Variants in KIAA1328 observed in about 807,000 individuals in gnomAD.
The protein encoded by KIAA1328 is protein hinderin.
KIAA1328 carries 52 observed loss-of-function variants against 68.1 expected under a neutral mutation model. The observed-to-expected ratio is 0.76, with a 90% CI of 0.61 to 0.96. KIAA1328 has a LOEUF of 0.96. Among genes scored for constraint, KIAA1328 ranks in the 40% least tolerant of loss-of-function variants. The pLI is 0.00. For synonymous variants in KIAA1328, 232 were observed against 239.4 expected, an observed-to-expected ratio of 0.97 and a Z score of 0.28; for missense variants, 641 against 677.6, an observed-to-expected ratio of 0.95 and a Z score of 0.60.
At chr18:36,949,600 C>A (rs1038972789) in intron 5 of KIAA1328, among the ~76,000 whole-genome samples, 2 of 108,616 alleles carry the variant, frequency 1.8e-5, no homozygotes, top group South Asian at 4.6e-4. Flanking sequence ...ACCCAGCTCC[C>A]CCCCCCCCAC....
At chr18:37,025,495 T>C (rs2054533500) in intron 6 of KIAA1328, among the ~76,000 whole-genome samples, 1 of 152,114 alleles carries the variant, frequency 6.6e-6, no homozygotes, top group Non-Finnish European at 1.5e-5. Flanking sequence ...TCAGCAAATG[T>C]AAAAGAACAG....
intron 3 of KIAA1328, among the ~76,000 whole-genome samples, chr18:36,841,476 A>G (rs888875952): frequency 5.3e-5 from 8 of 151,816 alleles, no homozygotes; most frequent in Admixed American, 4.6e-4. Flanking sequence ...CAATGATACC[A>G]TTGTTGTAAG....
intron 6 of KIAA1328, among the ~76,000 whole-genome samples, chr18:36,966,432 G>A (rs1313734322): frequency 6.6e-6 from 1 of 152,186 alleles, no homozygotes; most frequent in Non-Finnish European, 1.5e-5. Context: ...AAGATCGTGT[G>A]TGTGTGTACA....
chr18:36,892,158 A>G (rs994526976), intron 5 of KIAA1328, among the ~76,000 whole-genome samples: 1 of 151,846 alleles, frequency 6.6e-6, no homozygotes, highest in Non-Finnish European at 1.5e-5. Flanking sequence ...TAGGAACCAT[A>G]CTGCAGGAAG....
At chr18:37,084,002 G>T (rs982961317) in intron 7 of KIAA1328, 9 of 431,782 alleles carry the variant, frequency 2.1e-5, no homozygotes, top group African/African-American at 1.4e-4. Flanking sequence ...ATTTATTTTT[G>T]ACTAAGTTTT....
chr18:37,063,632 A>G, intron 6 of KIAA1328: 7 of 985,362 alleles, frequency 7.1e-6, no homozygotes, highest in Non-Finnish European at 8.4e-6. Flanking sequence ...GTAACCAAGC[A>G]GGTAATTGAC....
At chr18:37,221,615 A>G (rs969731569) in intron 9 of KIAA1328, among the ~76,000 whole-genome samples, 1 of 152,212 alleles carries the variant, frequency 6.6e-6, no homozygotes, top group African/African-American at 2.4e-5. Context: ...TGGAGATGAG[A>G]GTAGTATAGT....
intron 6 of KIAA1328, among the ~76,000 whole-genome samples, chr18:37,020,232 C>T (rs546926954): frequency 2.8e-4 from 42 of 152,288 alleles, no homozygotes; most frequent in African/African-American, 1.0e-3. Flanking sequence ...GAGCGATCCT[C>T]CTGCCTTAGC....
Position 36,870,361 on chromosome 18 carries a change from G to A in KIAA1328, c.333-15196G>A, listed in dbSNP as rs9961040. 2.8e-3 allele frequency among the ~76,000 whole-genome samples: 429 copies of A among 152,064 alleles called. 3 individuals carry two copies. Among genetic ancestry groups the A allele is most frequent in the African/African-American group, 9.9e-3 (409 of 41,482 alleles). On this transcript the variant is annotated intron_variant, in intron 4 of 9. Coordinates refer to ENST00000280020, the MANE Select transcript of KIAA1328 (RefSeq NM_020776.3). ...GGTATACCCTTGAGTGATATTTTAC[G>A]TTAGCTCTTGAAGAGGCCAAAACAT...
chr18:37,051,699 C>T (rs1422531244), intron 6 of KIAA1328, among the ~76,000 whole-genome samples: 2 of 152,086 alleles, frequency 1.3e-5, no homozygotes, highest in African/African-American at 4.8e-5. Flanking sequence ...ACTCATTCTA[C>T]AAAACCATTA....
chr18:37,039,885 C>T (rs965328070), intron 6 of KIAA1328, among the ~76,000 whole-genome samples: 20 of 152,260 alleles, frequency 1.3e-4, no homozygotes, highest in African/African-American at 3.1e-4. Context: ...CTTATTTGGA[C>T]ACTCTTGGGA....
At chr18:36,923,683 A>G (rs995683827) in intron 5 of KIAA1328, 15 of 152,212 alleles carry the variant, frequency 9.9e-5, no homozygotes, top group African/African-American at 3.4e-4. Context: ...AATACCAAGC[A>G]TAGAGCTACA....
Position 37,223,772 on chromosome 18 carries a change from T to A in KIAA1328, c.*1545T>A. 5.1e-6 allele frequency: 5 copies of A among 985,416 alleles called. No individual in the cohort carries two copies. The highest frequency in any genetic ancestry group is 4.8e-6 in the Non-Finnish European group (4 of 829,926). The allele number at this position is 985,416 out of a possible 1,614,324, so 61.0% of individuals were successfully genotyped here. On this transcript the variant is annotated 3_prime_UTR_variant, in exon 10 of 10. Transcript: ENST00000280020. ...TATCCAGATAGATCCAAAGCTCATGTCTCTTCAGGCTGAGACTGGCGCTGT... is the reference window on the plus strand; with the variant it reads ...TATCCAGATAGATCCAAAGCTCATGACTCTTCAGGCTGAGACTGGCGCTGT...
At chr18:36,834,266 G>A (rs1349762477) in intron 1 of KIAA1328, 54 bp from the exon 2 acceptor site, 7 of 1,466,200 alleles carry the variant, frequency 4.8e-6, no homozygotes, top group Non-Finnish European at 9.1e-7. Context: ...AACAGAAGCA[G>A]CATTTGGATG....
At chr18:37,132,844 T>G (rs1370993029) in intron 7 of KIAA1328, among the ~76,000 whole-genome samples, 3 of 152,154 alleles carry the variant, frequency 2.0e-5, no homozygotes, top group African/African-American at 7.2e-5. Context: ...ACCATACAAA[T>G]GTTCTTCAGT....
chr18:37,225,152 G>T lies in KIAA1328; in HGVS notation c.*2925G>T, dbSNP rs929235438. On this transcript the variant is annotated 3_prime_UTR_variant, in exon 10 of 10. Transcript: ENST00000280020. Reference sequence around the variant, plus strand: ...TAGAGATCTTCTGGCCAGAGAATCAGGGGAGAGGAGAGGCCTGATGGGGCA... The same window carrying T: ...TAGAGATCTTCTGGCCAGAGAATCATGGGAGAGGAGAGGCCTGATGGGGCA... 2.1e-4 allele frequency: 143 copies of T among 692,772 alleles called. No homozygotes were observed. Among genetic ancestry groups the T allele is most frequent in the Non-Finnish European group, 2.5e-4 (142 of 566,804 alleles). 42.9% of individuals were successfully genotyped at this position (692,772 alleles called of 1,614,324 possible).
chr18:37,170,264 A>G (rs780779030), intron 8 of KIAA1328, among the ~76,000 whole-genome samples: 9 of 152,308 alleles, frequency 5.9e-5, no homozygotes, highest in South Asian at 2.1e-4. Context: ...CAAGTTTGCC[A>G]TACAGAGCCA....
intron 5 of KIAA1328, among the ~76,000 whole-genome samples, chr18:36,948,173 G>A (rs2050978734): frequency 6.6e-6 from 1 of 151,908 alleles, no homozygotes; most frequent in African/African-American, 2.4e-5. Context: ...GATAGCTCAT[G>A]AAATGTTTTC....
At position 37,109,046 on chromosome 18, in the gene KIAA1328, G is replaced by A. The variant is rs1027969500; in HGVS notation, c.1232+41501G>A. Among the ~76,000 whole-genome samples, 3 of 149,702 alleles carry A rather than the reference G, an allele frequency of 2.0e-5. No individual in the cohort carries two copies. In the Admixed American group the frequency reaches 2.1e-4, roughly 10 times the overall value. On this transcript the variant is annotated intron_variant, in intron 7 of 9. Transcript: ENST00000280020. ...ATGCAGTGTTTGGTTTTCTGTCCTT[G>A]TGATAGTTTGCTTAGAATGATGGTT...
Sources: allele counts gnomAD v4.1 joint callset (sites outside exome capture counted in the v4.1 genomes callset), GRCh38; gene constraint gnomAD v4.1.1; transcripts MANE v1.5; gene names NCBI Gene and HGNC (gene_info 2026-07-23, HGNC 2026-07-21).